NFASC: variants seen among roughly 807,000 people sequenced by gnomAD.
NFASC encodes the protein neurofascin.
NFASC carries 43 observed loss-of-function variants against 147.5 expected under a neutral mutation model. The observed-to-expected ratio is 0.29, with a 90% CI of 0.23 to 0.38. The LOEUF (loss-of-function observed/expected upper bound fraction) is 0.38, where lower values mean the gene tolerates loss of function less well. Ranked by LOEUF, NFASC falls within the 10% of genes least tolerant of loss-of-function variation. The probability of loss-of-function intolerance (pLI) is 1.00; values close to 1 mark genes in which losing one functional copy is unlikely to be tolerated. For synonymous variants in NFASC, 622 were observed against 665.5 expected, an observed-to-expected ratio of 0.93 and a Z score of 1.01; for missense variants, 1,320 against 1,689.0, an observed-to-expected ratio of 0.78 and a Z score of 3.83.
chr1:204,996,697 G>A (rs2095851447), intron 24 of NFASC, among the ~76,000 whole-genome samples: 1 of 152,144 alleles, frequency 6.6e-6, no homozygotes, highest in Non-Finnish European at 1.5e-5. Context: ...TGATTGGTTG[G>A]GAATGGCAGG....
rs112608457 is a variant in NFASC, at chr1:204,997,015, C to T, written c.2783-155C>T. On this transcript the variant is annotated intron_variant, in intron 24 of 29. Coordinates refer to ENST00000339876, the MANE Select transcript of NFASC (RefSeq NM_001005388.3). ...CCCATGGTTGTGTCTTCTGTTGCTG[C>T]GACCCGTCTGACCCAGTCCGTTATG... is the stretch of plus-strand genomic sequence containing the variant. Among the ~76,000 whole-genome samples the T allele has an allele frequency of 2.3e-3, 357 of 152,224 alleles. 1 individual carries two copies. The highest frequency in any genetic ancestry group is 8.1e-3 in the African/African-American group (335 of 41,536).
chr1:204,828,772 A>G lies in NFASC; in HGVS notation c.-210A>G. ...GGACAGCGCCCAGGGCCGGAGCCCG[A>G]GCCCTTGGAGGTAGGCGAGCGCGAA... On this transcript the variant is annotated 5_prime_UTR_variant, in exon 1 of 30. Coordinates refer to ENST00000339876, the MANE Select transcript of NFASC (RefSeq NM_001005388.3). The G allele has an allele frequency of 1.0e-6, 1 of 985,308 alleles. No homozygotes were observed. The allele number at this position is 985,308 out of a possible 1,614,324, so 61.0% of individuals were successfully genotyped here. A position where few individuals can be genotyped will look rare whatever the true frequency, so the allele number is the denominator to read the frequency against.
chr1:204,986,222 C>T lies in NFASC; in HGVS notation c.2471-1196C>T. ...CAGCATGGATGGCACAAGGTGACTT[C>T]TGCGAGGCCTCCAGGAGCGGATGAC... On this transcript the variant is annotated intron_variant, in intron 21 of 29. Coordinates refer to ENST00000339876, the MANE Select transcript of NFASC (RefSeq NM_001005388.3). This position sits in a 1 kb window ranked among gnomAD's most constrained non-coding sequence, Gnocchi z 4.2. 2.6e-6 allele frequency: 2 copies of T among 771,194 alleles called. No individual in the cohort carries two copies. The highest frequency in any genetic ancestry group is 1.7e-5 in the African/African-American group (1 of 58,372). The allele number at this position is 771,194 out of a possible 1,614,324, so 47.8% of individuals were successfully genotyped here.
intron 1 of NFASC, among the ~76,000 whole-genome samples, chr1:204,915,281 A>C (rs2149374176): frequency 6.6e-6 from 1 of 152,340 alleles, no homozygotes; most frequent in East Asian, 1.9e-4. Context: ...ACTCTGTCTC[A>C]AAAAAATAAA....
intron 10 of NFASC, among the ~76,000 whole-genome samples, chr1:204,969,611 T>C (rs17415142): frequency 0.014 from 2,149 of 152,332 alleles, 26 homozygotes; most frequent in Admixed American, 0.025. Flanking sequence ...TCAGTTGATC[T>C]TGTGACCTTG....
chr1:204,918,769 A>G (rs1357792563), intron 1 of NFASC, among the ~76,000 whole-genome samples: 4 of 151,096 alleles, frequency 2.6e-5, no homozygotes, highest in African/African-American at 2.4e-5. Flanking sequence ...TATTTTTAGT[A>G]GAGACAGGGT....
intron 20 of NFASC, 29 bp downstream of exon 20, chr1:204,980,469 C>T (rs374499633): frequency 2.2e-5 from 34 of 1,564,238 alleles, no homozygotes; most frequent in Non-Finnish European, 2.7e-5. Flanking sequence ...CCCAGTGGAG[C>T]AGCTCACCTT....
chr1:204,858,012 G>A lies in NFASC; in HGVS notation c.-200+29230G>A, dbSNP rs762902911. On this transcript the variant is annotated intron_variant, in intron 1 of 29. Coordinates refer to ENST00000339876, the MANE Select transcript of NFASC (RefSeq NM_001005388.3). ...TCAGCTTACTACGGCCTCCACCTCC[G>A]GGGTTCAAGCAATTCTCCTGTCTCA... Among the ~76,000 whole-genome samples, 41 of 146,698 alleles carry A rather than the reference G, an allele frequency of 2.8e-4. 1 individual carries two copies. The highest frequency in any genetic ancestry group is 5.2e-4 in the Non-Finnish European group (35 of 67,572).
chr1:204,962,462 A>G (rs1454247612), intron 8 of NFASC, among the ~76,000 whole-genome samples: 1 of 152,242 alleles, frequency 6.6e-6, no homozygotes, highest in African/African-American at 2.4e-5. Flanking sequence ...AAAAAGTAGA[A>G]GCTTAGGAAT....
At position 205,021,380 on chromosome 1, in the gene NFASC, TTCC is replaced by T. The variant is rs1402037496; in HGVS notation, c.*4846_*4848del. On this transcript the variant is annotated 3_prime_UTR_variant, in exon 30 of 30. Coordinates refer to ENST00000339876, the MANE Select transcript of NFASC (RefSeq NM_001005388.3). ...TCTCAGGCCTCACCTGAAGCTGCTG[TTCC>T]TCCTATCAGCACACTAGTATTAAAT... 6.6e-6 allele frequency: 1 copy of T among 152,670 alleles called. No homozygotes were observed. Among genetic ancestry groups the T allele is most frequent in the Admixed American group, 6.5e-5 (1 of 15,276 alleles). 9.5% of individuals were successfully genotyped at this position (152,670 alleles called of 1,614,324 possible). A position where few individuals can be genotyped will look rare whatever the true frequency, so the allele number is the denominator to read the frequency against.
chr1:204,960,574 G>A (rs767880732), intron 8 of NFASC, among the ~76,000 whole-genome samples: 10 of 152,204 alleles, frequency 6.6e-5, no homozygotes, highest in Non-Finnish European at 1.2e-4. Context: ...CACAAACCAC[G>A]AGGTCAGTTC....
chr1:204,973,426 G>A lies in NFASC; in HGVS notation c.1279+7G>A. On this transcript the variant is annotated splice_region_variant and intron_variant, in intron 12 of 29. Coordinates refer to ENST00000339876, the MANE Select transcript of NFASC (RefSeq NM_001005388.3). Reference sequence around the variant, plus strand: ...GCCTTTGTCAGTGTGCTGGGTGAGTGTGCCCTTCGCAGCCTGTTTCCCCCT... The same window carrying A: ...GCCTTTGTCAGTGTGCTGGGTGAGTATGCCCTTCGCAGCCTGTTTCCCCCT... 6.2e-7 allele frequency: 1 copy of A among 1,614,134 alleles called. No individual in the cohort carries two copies.
At chr1:204,947,636 C>A (rs1338373323) in intron 3 of NFASC, among the ~76,000 whole-genome samples, 1 of 148,044 alleles carries the variant, frequency 6.8e-6, no homozygotes, top group East Asian at 2.1e-4. Flanking sequence ...CCCTCCTTCC[C>A]TCCCTATCCA....
intron 1 of NFASC, among the ~76,000 whole-genome samples, chr1:204,886,591 G>A (rs1471885877): frequency 1.3e-5 from 2 of 152,178 alleles, no homozygotes; most frequent in Non-Finnish European, 2.9e-5. Flanking sequence ...CCAATAATTT[G>A]CATTTTTCAT....
chr1:204,898,962 C>T (rs2149156334), intron 1 of NFASC, among the ~76,000 whole-genome samples: 1 of 152,240 alleles, frequency 6.6e-6, no homozygotes, highest in Non-Finnish European at 1.5e-5. Context: ...CCTTGGGGAG[C>T]TTCCAGTCTA....
At chr1:204,924,195 C>T (rs1330146178) in intron 2 of NFASC, among the ~76,000 whole-genome samples, 1 of 152,180 alleles carries the variant, frequency 6.6e-6, no homozygotes, top group African/African-American at 2.4e-5. Context: ...TCCCCCATGC[C>T]TCCTGTATTT....
chr1:204,859,893 G>C (rs1294677404), intron 1 of NFASC, among the ~76,000 whole-genome samples: 1 of 152,148 alleles, frequency 6.6e-6, no homozygotes, highest in Non-Finnish European at 1.5e-5. Context: ...AAGGGGACTG[G>C]GCAGTTGGAG....
At chr1:204,839,623 T>C (rs145095038) in intron 1 of NFASC, among the ~76,000 whole-genome samples, 1 of 152,278 alleles carries the variant, frequency 6.6e-6, no homozygotes, top group Non-Finnish European at 1.5e-5. Flanking sequence ...GGCAGCTTGC[T>C]CTCTCACTGG....
intron 3 of NFASC, chr1:204,947,310 G>C (rs902127028): frequency 5.9e-6 from 1 of 169,184 alleles, no homozygotes; most frequent in Non-Finnish European, 1.3e-5. Context: ...ATCTCACTGG[G>C]CCCAGCACCA....
Sources: gnomAD v4.1 joint callset for allele counts (sites outside exome capture counted in the v4.1 genomes callset) on GRCh38, gnomAD v4.1.1 for gene constraint, Gnocchi (gnomAD v3.1) non-coding constraint, MANE v1.5 for transcripts, NCBI Gene and HGNC (gene_info 2026-07-23, HGNC 2026-07-21) for gene names.